Variants in COG5 observed in about 807,000 individuals in gnomAD.
COG5 encodes component of oligomeric golgi complex 5, also known as conserved oligomeric Golgi complex subunit 5.
A neutral mutation model predicts 110.4 loss-of-function variants in COG5; 86 were observed. That is an observed-to-expected ratio of 0.78 (90% CI 0.65 to 0.93). The LOEUF (loss-of-function observed/expected upper bound fraction) is 0.93, where lower values mean the gene tolerates loss of function less well. Ranked by LOEUF, COG5 falls within the 40% of genes least tolerant of loss-of-function variation. The pLI, the probability that COG5 is intolerant of heterozygous loss-of-function variation, is 0.00. For synonymous variants in COG5, 360 were observed against 334.6 expected, an observed-to-expected ratio of 1.08 and a Z score of -0.83; for missense variants, 1,077 against 987.0, an observed-to-expected ratio of 1.09 and a Z score of -1.22.
At chr7:107,238,037 T>A (rs1378606517) in intron 17 of COG5, among the ~76,000 whole-genome samples, 12 of 152,166 alleles carry the variant, frequency 7.9e-5, no homozygotes, top group Non-Finnish European at 7.4e-5. Flanking sequence ...CACAGTAATG[T>A]TATATGTATA....
chr7:107,536,524 A>C (rs1317853675), intron 5 of COG5, among the ~76,000 whole-genome samples: 2 of 152,210 alleles, frequency 1.3e-5, no homozygotes, highest in Non-Finnish European at 2.9e-5. Flanking sequence ...TTCTACAAAG[A>C]GAATAAAATA....
intron 6 of COG5, among the ~76,000 whole-genome samples, chr7:107,447,583 A>G (rs926908850): frequency 6.6e-6 from 1 of 152,198 alleles, no homozygotes; most frequent in Non-Finnish European, 1.5e-5. Flanking sequence ...ACAAACACAC[A>G]TACTTGACAA....
At chr7:107,217,425 C>A (rs1335137775) in intron 19 of COG5, among the ~76,000 whole-genome samples, 1 of 152,056 alleles carries the variant, frequency 6.6e-6, no homozygotes, top group Non-Finnish European at 1.5e-5. Context: ...CACAAAATGA[C>A]ATAGAAGAAA....
intron 6 of COG5, among the ~76,000 whole-genome samples, chr7:107,491,393 A>T (rs1304712107): frequency 6.6e-6 from 1 of 151,474 alleles, no homozygotes; most frequent in Non-Finnish European, 1.5e-5. Context: ...TATCCTACTC[A>T]CTCTCTTACT....
chr7:107,334,518 A>C (rs1389955990), intron 10 of COG5, among the ~76,000 whole-genome samples: 1 of 152,178 alleles, frequency 6.6e-6, no homozygotes, highest in African/African-American at 2.4e-5. Flanking sequence ...CCAAGGAGAA[A>C]GAGAAGATCC....
At chr7:107,420,474 G>GTTTT (rs1488456046) in intron 6 of COG5, among the ~76,000 whole-genome samples, 11 of 152,252 alleles carry the variant, frequency 7.2e-5, no homozygotes, top group African/African-American at 2.4e-4. Flanking sequence ...TTGTTTGTTT[G>GTTTT]TTTTGAGACG....
chr7:107,290,749 T>A (rs1473989609), intron 12 of COG5, among the ~76,000 whole-genome samples: 1 of 152,186 alleles, frequency 6.6e-6, no homozygotes, highest in Non-Finnish European at 1.5e-5. Context: ...GCATCCTTTG[T>A]TTCTGCTGAG....
At chr7:107,509,122 C>A (rs1342397081) in intron 6 of COG5, among the ~76,000 whole-genome samples, 1 of 151,920 alleles carries the variant, frequency 6.6e-6, no homozygotes, top group Non-Finnish European at 1.5e-5. Context: ...AAGTTCGAAC[C>A]AATGGCAAAG....
chr7:107,353,446 A>G (rs1445876881), intron 10 of COG5, among the ~76,000 whole-genome samples: 1 of 151,468 alleles, frequency 6.6e-6, no homozygotes, highest in Non-Finnish European at 1.5e-5. Flanking sequence ...AAAAAAAAGA[A>G]AACAGAATAT....
intron 8 of COG5, among the ~76,000 whole-genome samples, chr7:107,365,116 T>C (rs1468835202): frequency 1.3e-5 from 2 of 152,124 alleles, no homozygotes; most frequent in African/African-American, 2.4e-5. Context: ...CCTATTATTC[T>C]TTTAAATACA....
chr7:107,561,870 G>T (rs1379034227), intron 1 of COG5, among the ~76,000 whole-genome samples: 1 of 152,178 alleles, frequency 6.6e-6, no homozygotes, highest in African/African-American at 2.4e-5. Context: ...CAGCTTCTCA[G>T]GAGGCTGAGC....
chr7:107,333,128 G>A (rs576126764), intron 10 of COG5, among the ~76,000 whole-genome samples: 13 of 151,978 alleles, frequency 8.6e-5, no homozygotes, highest in Admixed American at 1.3e-4. Context: ...AGATCTCTGC[G>A]GATAAATCAT....
chr7:107,277,143 C>T (rs1257827969), intron 14 of COG5, among the ~76,000 whole-genome samples: 1 of 152,102 alleles, frequency 6.6e-6, no homozygotes, highest in African/African-American at 2.4e-5. Context: ...CACGTATTAA[C>T]ATAGTAAATG....
At chr7:107,412,092 G>A (rs774156697) in intron 7 of COG5, among the ~76,000 whole-genome samples, 2 of 151,996 alleles carry the variant, frequency 1.3e-5, no homozygotes, top group Non-Finnish European at 2.9e-5. Flanking sequence ...TAATTTACTA[G>A]CTATGTGATT....
rs1314159288 is a variant in COG5, at chr7:107,554,286, T to G, written c.291A>C (p.Glu97Asp). The G allele has an allele frequency of 6.2e-7, 1 of 1,613,654 alleles. No individual in the cohort carries two copies. The highest frequency in any genetic ancestry group is 1.1e-5 in the South Asian group (1 of 91,050). ...CTCTAGCAGTTATTAGAAATATACC[T>G]TCCAACGACTCAATCCCAGTTGCTT... ...LAQATGIESLEGVLQMMQTRI... is the reference protein window; with the variant it reads ...LAQATGIESLDGVLQMMQTRI... The change falls in exon 3 of 22, where the codon GAA becomes GAC. Residue 97 changes from glutamate to aspartate, a missense_variant and splice_region_variant. By Grantham distance (45) the Glu-to-Asp change is conservative. Coordinates refer to ENST00000297135, the MANE Select transcript of COG5 (RefSeq NM_006348.5).
chr7:107,343,705 A>C (rs1237797235), intron 10 of COG5, among the ~76,000 whole-genome samples: 9 of 152,052 alleles, frequency 5.9e-5, no homozygotes, highest in Non-Finnish European at 1.2e-4. Context: ...AAAAACCCAA[A>C]AACACATAAT....
At chr7:107,259,022 C>T (rs796347152) in intron 14 of COG5, among the ~76,000 whole-genome samples, 14 of 151,910 alleles carry the variant, frequency 9.2e-5, no homozygotes, top group African/African-American at 3.1e-4. Context: ...GATCAGTAGA[C>T]GTGGTATTAA....
At chr7:107,318,378 C>T (rs947543711) in intron 11 of COG5, among the ~76,000 whole-genome samples, 1 of 151,974 alleles carries the variant, frequency 6.6e-6, no homozygotes. Context: ...ACGAAATATT[C>T]AAAGTACAAA....
intron 19 of COG5, among the ~76,000 whole-genome samples, chr7:107,220,624 A>G (rs955544742): frequency 1.3e-5 from 2 of 152,144 alleles, no homozygotes; most frequent in Non-Finnish European, 2.9e-5. Flanking sequence ...ACAGCTCCCT[A>G]AACTCCAAAT....
Sources: allele counts gnomAD v4.1 joint callset (sites outside exome capture counted in the v4.1 genomes callset), GRCh38; gene constraint gnomAD v4.1.1; transcripts MANE v1.5; gene names NCBI Gene and HGNC (gene_info 2026-07-23, HGNC 2026-07-21).